Variants in NR3C2 observed in about 807,000 individuals in gnomAD.
NR3C2 encodes the protein mineralocorticoid receptor.
Under a neutral mutation model 86.4 loss-of-function variants are expected in NR3C2, and 15 were observed. The observed-to-expected ratio is 0.17, with a 90% CI of 0.12 to 0.27. The LOEUF is 0.27. NR3C2 is among the 10% of genes least tolerant of loss of function. NR3C2 has a pLI of 1.00. For synonymous variants in NR3C2, 458 were observed against 450.5 expected (o/e 1.02, Z -0.21); for missense variants, 960 against 1,195.6 (o/e 0.80, Z 2.91).
chr4:148,412,100 G>A lies in NR3C2; in HGVS notation c.1757+23004C>T, dbSNP rs1046005482. Among the ~76,000 whole-genome samples the A allele has an allele frequency of 6.6e-5, 10 of 152,238 alleles. No homozygotes were observed. The South Asian group carries it at 1.0e-3, about 16-fold the overall frequency. On this transcript the variant is annotated intron_variant, in intron 2 of 8. Transcript: ENST00000358102. ...TAAGTTTCCTCATCAGCAAAGCAGG[G>A]TTATCACACCTGTCTCCTGGGGTCG...
At chr4:148,089,109 T>G (rs577339937) in intron 8 of NR3C2, among the ~76,000 whole-genome samples, 1 of 152,184 alleles carries the variant, frequency 6.6e-6, no homozygotes, top group Non-Finnish European at 1.5e-5. Context: ...CAAGCTTTAA[T>G]TGAGTCAGAT....
intron 2 of NR3C2, among the ~76,000 whole-genome samples, chr4:148,322,999 A>G (rs1280522208): frequency 1.3e-4 from 19 of 149,824 alleles, no homozygotes; most frequent in Non-Finnish European, 2.4e-4. Context: ...TTTTTCCCCA[A>G]CTTTGTGGTT....
At chr4:148,219,050 C>T (rs1737695742) in intron 3 of NR3C2, among the ~76,000 whole-genome samples, 2 of 152,170 alleles carry the variant, frequency 1.3e-5, no homozygotes, top group Non-Finnish European at 2.9e-5. Context: ...ATTTTCCATG[C>T]TGGCTACACC....
chr4:148,419,538 G>A (rs1749175136), intron 2 of NR3C2, among the ~76,000 whole-genome samples: 1 of 152,158 alleles, frequency 6.6e-6, no homozygotes, highest in Non-Finnish European at 1.5e-5. Context: ...GTACTCTTAG[G>A]TGGATAATGA....
At chr4:148,257,742 CAAAA>C (rs1739901762) in intron 3 of NR3C2, among the ~76,000 whole-genome samples, 1 of 151,864 alleles carries the variant, frequency 6.6e-6, no homozygotes, top group Non-Finnish European at 1.5e-5. Context: ...AGTAAACTAA[CAAAA>C]AATACAAAAA....
chr4:148,261,932 T>C lies in NR3C2; in HGVS notation c.1758-1815A>G, dbSNP rs550373949. Among the ~76,000 whole-genome samples, 21 of 152,342 alleles carry C rather than the reference T, an allele frequency of 1.4e-4. No individual in the cohort carries two copies. The South Asian group carries it at 4.1e-3, about 30-fold the overall frequency. On this transcript the variant is annotated intron_variant, in intron 2 of 8. Coordinates refer to ENST00000358102, the MANE Select transcript of NR3C2 (RefSeq NM_000901.5). Reference sequence around the variant, plus strand: ...CCTTTCTAGAAAATGACTTCTTAAATCAAGGACTGAAATAATGTTCTCCAA... The same window carrying C: ...CCTTTCTAGAAAATGACTTCTTAAACCAAGGACTGAAATAATGTTCTCCAA...
intron 4 of NR3C2, among the ~76,000 whole-genome samples, chr4:148,165,777 T>C (rs573415380): frequency 1.3e-5 from 2 of 152,336 alleles, no homozygotes; most frequent in South Asian, 2.1e-4. Context: ...TTTTTCACAA[T>C]TGTTTTAACA....
chr4:148,113,920 C>G (rs1388289502), intron 8 of NR3C2, among the ~76,000 whole-genome samples, 184 bp downstream of exon 8: 2 of 152,114 alleles, frequency 1.3e-5, no homozygotes, highest in Non-Finnish European at 2.9e-5. Context: ...CCCAATAAAC[C>G]CTATGTCTCA....
upstream of NR3C2, chr4:148,442,674 A>C (rs13306590): frequency 2.4e-5 from 24 of 985,258 alleles, no homozygotes; most frequent in Non-Finnish European, 2.7e-5. Context: ...GGCGGGCGAC[A>C]TGACTGATAC....
intron 2 of NR3C2, among the ~76,000 whole-genome samples, chr4:148,299,299 C>T (rs1742211789): frequency 6.6e-6 from 1 of 152,114 alleles, no homozygotes; most frequent in African/African-American, 2.4e-5. Context: ...AAATCTTTTC[C>T]CCTTTTTTTT....
chr4:148,136,079 A>AC (rs1320949487), intron 6 of NR3C2, among the ~76,000 whole-genome samples: 3 of 139,408 alleles, frequency 2.2e-5, no homozygotes, highest in Non-Finnish European at 3.0e-5. Flanking sequence ...AAAAAAAACA[A>AC]AAAAAAAAAA....
At chr4:148,200,260 C>T (rs1483772334) in intron 3 of NR3C2, among the ~76,000 whole-genome samples, 2 of 152,154 alleles carry the variant, frequency 1.3e-5, no homozygotes, top group South Asian at 4.1e-4. Context: ...GTTTCAGCCC[C>T]ATGCATATAC....
chr4:148,302,876 T>G (rs1742412992), intron 2 of NR3C2, among the ~76,000 whole-genome samples: 1 of 150,782 alleles, frequency 6.6e-6, no homozygotes, highest in African/African-American at 2.4e-5. Context: ...AAAGTTACTT[T>G]CCAGCAGGCC....
In NR3C2 at chr4:148,154,606, G is replaced by A. The variant is rs376341327; in HGVS notation, c.2310C>T (p.Asn770=). Residue 770 remains asparagine, a synonymous_variant, in exon 5 of 9, where the codon AAC becomes AAT. Transcript: ENST00000358102. ...DTAENLLSTL[N]RLAGKQMIQV... ...GGATCATCTGTTTGCCTGCTAAGCG[G>A]TTGAGCGTGGAGAGCAGATTTTCGG... 20 of 1,614,074 alleles carry A rather than the reference G, an allele frequency of 1.2e-5. No homozygotes were observed. The African/African-American group carries it at 2.1e-4, about 17-fold the overall frequency.
At chr4:148,440,733 C>A (rs913281199) in intron 1 of NR3C2, among the ~76,000 whole-genome samples, 1 of 152,152 alleles carries the variant, frequency 6.6e-6, no homozygotes. Context: ...AAAGGAAAAC[C>A]TTAAAGTTTT....
rs1194357815 is a variant in NR3C2 at position 148,079,622 on chromosome 4, T to TATG, written c.*1719_*1721dup. On this transcript the variant is annotated 3_prime_UTR_variant, in exon 9 of 9. Coordinates refer to ENST00000358102, the MANE Select transcript of NR3C2 (RefSeq NM_000901.5). ...TATTGTTAGTTTCCCCAAAGATACA[T>TATG]ATGTTTGTGATTTGGGGCAAGAGAA... 3.9e-5 allele frequency: 6 copies of TATG among 152,722 alleles called. No homozygotes were observed. In the East Asian group the frequency reaches 1.2e-3, roughly 29 times the overall value. 9.5% of individuals were successfully genotyped at this position (152,722 alleles called of 1,614,324 possible).
chr4:148,206,733 T>G (rs566287398), intron 3 of NR3C2, among the ~76,000 whole-genome samples: 7 of 152,248 alleles, frequency 4.6e-5, no homozygotes, highest in Non-Finnish European at 8.8e-5. Flanking sequence ...CTTTGTTCTC[T>G]GAAATAGGAC....
chr4:148,100,150 TTAAA>T (rs1731471100), intron 8 of NR3C2, among the ~76,000 whole-genome samples: 1 of 152,200 alleles, frequency 6.6e-6, no homozygotes, highest in Non-Finnish European at 1.5e-5. Flanking sequence ...TTTCCCTTCT[TTAAA>T]TAAACTGAGA....
chr4:148,272,965 A>T (rs982379159), intron 2 of NR3C2, among the ~76,000 whole-genome samples: 3 of 152,232 alleles, frequency 2.0e-5, no homozygotes, highest in Admixed American at 2.0e-4. Context: ...AACTGCAAGA[A>T]GGCAAGAAAT....
Sources: gnomAD v4.1 joint callset for allele counts (sites outside exome capture counted in the v4.1 genomes callset) on GRCh38, gnomAD v4.1.1 for gene constraint, MANE v1.5 for transcripts, NCBI Gene and HGNC (gene_info 2026-07-23, HGNC 2026-07-21) for gene names.